Variants in CYP17A1 observed in about 807,000 individuals in gnomAD.
The protein encoded by CYP17A1 is steroid 17-alpha-hydroxylase/17,20 lyase.
CYP17A1 carries 27 observed loss-of-function variants against 38.5 expected under a neutral mutation model. That is an observed-to-expected ratio of 0.70 (90% CI 0.52 to 0.97). CYP17A1 has a LOEUF of 0.97. CYP17A1 is among the 50% of genes least tolerant of loss of function. The pLI is 0.00. For synonymous variants in CYP17A1, 263 were observed against 253.3 expected, an observed-to-expected ratio of 1.04 and a Z score of -0.36; for missense variants, 549 against 645.9, an observed-to-expected ratio of 0.85 and a Z score of 1.63.
intron 3 of CYP17A1, chr10:102,834,412 C>T: frequency 1.8e-6 from 1 of 551,936 alleles, no homozygotes; most frequent in Non-Finnish European, 3.3e-6. Flanking sequence ...GTGAGAGAGA[C>T]ATGAGCCTGA....
At chr10:102,831,468 C>T (rs1345545482) in intron 7 of CYP17A1, 40 bp downstream of exon 7, 6 of 1,611,360 alleles carry the variant, frequency 3.7e-6, no homozygotes, top group East Asian at 2.2e-5. Flanking sequence ...AGAGTCCAGG[C>T]TCGCTGTGTG....
In CYP17A1 at chr10:102,832,578, G is replaced by T; in HGVS notation, c.1072C>A (p.Arg358=). The change falls in exon 6 of 8, where the codon CGA becomes AGA. Residue 358 remains arginine, a synonymous_variant. Transcript: ENST00000369887. ...ACGGGCCTGAGGCGAAGCACCTCTC[G>T]GATGGTGGCCTCCAGCAGGAGGAGA... ...NRLLLLEATI[R]EVLRLRPVAP... The T allele has an allele frequency of 6.2e-7, 1 of 1,610,240 alleles. No individual in the cohort carries two copies. Among genetic ancestry groups the T allele is most frequent in the Non-Finnish European group, 8.5e-7 (1 of 1,176,446 alleles).
chr10:102,835,238 C>T lies in CYP17A1; in HGVS notation c.436+16G>A. 1 of 1,609,368 alleles carries T rather than the reference C, an allele frequency of 6.2e-7. No individual in the cohort carries two copies. The highest frequency in any genetic ancestry group is 1.1e-5 in the South Asian group (1 of 90,998). On this transcript the variant is annotated intron_variant, in intron 2 of 7. Transcript: ENST00000369887. ...TGGGATCCAGCCCCAGCCCCAGGGG[C>T]CAGCCTGGCACTCACTGATCTTCTC...
At chr10:102,834,459 T>G in intron 3 of CYP17A1, 1 of 553,568 alleles carries the variant, frequency 1.8e-6, no homozygotes, top group South Asian at 2.1e-5. Flanking sequence ...CTAAGCCTGC[T>G]TCTCACCTGC....
rs553716444 is a variant in CYP17A1, at chr10:102,837,104, A to C, written c.258T>G (p.Leu86=). ...CAGAGAAGTCCTTGCCCTTCTTAAT[A>C]AGCACCTCCTTGGCCAGCTGGTGGT... is the stretch of plus-strand genomic sequence containing the variant. ...VGHHQLAKEV[L]IKKGKDFSGR... is the part of the protein sequence containing the mutation. The change falls in exon 1 of 8, where the codon CTT becomes CTG. Residue 86 remains leucine (L), a synonymous_variant. Transcript: ENST00000369887. 6.2e-7 allele frequency: 1 copy of C among 1,608,792 alleles called. No homozygotes were observed. Among genetic ancestry groups the C allele is most frequent in the East Asian group, 2.2e-5 (1 of 44,842 alleles).
At chr10:102,833,377 T>A in intron 4 of CYP17A1, 169 bp from the exon 5 acceptor site, 1 of 1,364,074 alleles carries the variant, frequency 7.3e-7, no homozygotes, top group Non-Finnish European at 9.9e-7. Flanking sequence ...CCCCGGGCCC[T>A]CTTTAAATTT....
chr10:102,835,247 C>A lies in CYP17A1; in HGVS notation c.436+7G>T, dbSNP rs1844146007. The A allele has an allele frequency of 3.7e-6, 6 of 1,612,204 alleles. No homozygotes were observed. Among genetic ancestry groups the A allele is most frequent in the Non-Finnish European group, 5.1e-6 (6 of 1,178,340 alleles). On this transcript the variant is annotated splice_region_variant and intron_variant, in intron 2 of 7. Coordinates refer to ENST00000369887, the MANE Select transcript of CYP17A1 (RefSeq NM_000102.4). ...GCCCCAGCCCCAGGGGCCAGCCTGG[C>A]ACTCACTGATCTTCTCCAGCTTCTG...
In CYP17A1 at chr10:102,834,924, G is replaced by A; in HGVS notation, c.527C>T (p.Thr176Ile). ...DISFPVFVAVTNVISLICFNT... is the reference protein window; with the variant it reads ...DISFPVFVAVINVISLICFNT... ...GAAGCAGATCAAGGAGATGACATTG[G>A]TTACCGCCACGAAGACAGGAAAGGA... The change falls in exon 3 of 8, where the codon ACC (threonine) becomes ATC (isoleucine). Residue 176 changes from threonine to isoleucine, a missense_variant. Thr to Ile is a moderately conservative substitution (Grantham distance 89, BLOSUM62 -1). Transcript: ENST00000369887. 1 of 1,613,762 alleles carries A rather than the reference G, an allele frequency of 6.2e-7. No individual in the cohort carries two copies. The highest frequency in any genetic ancestry group is 8.5e-7 in the Non-Finnish European group (1 of 1,179,752).
chr10:102,835,078 G>GT lies in CYP17A1; in HGVS notation c.437-65dup, dbSNP rs1844142223. ...GCACCCTTACCCCCTCTCTGTACCA[G>GT]TTGCCTCTTAACAGGAGCGGGGGAC... On this transcript the variant is annotated intron_variant, in intron 2 of 7. Coordinates refer to ENST00000369887, the MANE Select transcript of CYP17A1 (RefSeq NM_000102.4). The GT allele has an allele frequency of 4.2e-5, 50 of 1,179,070 alleles. No homozygotes were observed. The South Asian group carries it at 5.7e-4, about 14-fold the overall frequency. 73.0% of individuals were successfully genotyped at this position (1,179,070 alleles called of 1,614,324 possible). A position where few individuals can be genotyped will look rare whatever the true frequency, so the allele number is the denominator to read the frequency against.
Position 102,831,548 on chromosome 10 carries a change from G to A in CYP17A1, c.1203C>T (p.His401=). The A allele has an allele frequency of 1.2e-6, 2 of 1,614,046 alleles. No individual in the cohort carries two copies. The highest frequency in any genetic ancestry group is 1.1e-5 in the South Asian group (1 of 91,092). Residue 401 remains histidine, a synonymous_variant, in exon 7 of 8, where the codon CAC becomes CAT. Transcript: ENST00000369887. ...EVIINLWALH[H]NEKEWHQPDQ... is the part of the protein sequence containing the mutation. ...CCGGCTGGTGCCACTCCTTCTCATT[G>A]TGATGCAGCGCCCACAGATTGATGA...
At chr10:102,836,101 T>C (rs964451191) in intron 1 of CYP17A1, among the ~76,000 whole-genome samples, 1 of 152,030 alleles carries the variant, frequency 6.6e-6, no homozygotes, top group Non-Finnish European at 1.5e-5. Context: ...GGGAGCTAGG[T>C]AGTTGGTCAG....
chr10:102,832,774 C>T (rs1844108193), intron 5 of CYP17A1, 94 bp from the exon 6 acceptor site: 4 of 1,235,470 alleles, frequency 3.2e-6, no homozygotes, highest in Admixed American at 3.4e-5. Context: ...TCGAGAAGAG[C>T]CTGTCCAGTC....
At chr10:102,831,881 C>A (rs1313835629) in intron 6 of CYP17A1, among the ~76,000 whole-genome samples, 1 of 152,060 alleles carries the variant, frequency 6.6e-6, no homozygotes, top group Admixed American at 6.6e-5. Flanking sequence ...GGAGCTGCAG[C>A]GCATGTTATG....
At chr10:102,831,825 G>T in intron 6 of CYP17A1, 1 of 806,334 alleles carries the variant, frequency 1.2e-6, no homozygotes. Flanking sequence ...CTGAACACCT[G>T]TGTCTGTGGA....
At chr10:102,834,505 T>C (rs1030278868) in intron 3 of CYP17A1, 21 of 574,140 alleles carry the variant, frequency 3.7e-5, no homozygotes, top group Non-Finnish European at 6.3e-5. Context: ...CCAAGGGGAA[T>C]TCAGCGATGA....
rs141821705 is a variant in CYP17A1 at position 102,834,967 on chromosome 10, C to T, written c.484G>A (p.Gly162Arg). The change falls in exon 3 of 8, where the codon GGA (glycine) becomes AGA (arginine). Residue 162 changes from glycine to arginine, a missense_variant. Around this residue, in one of 3 missense-constraint regions of CYP17A1, gnomAD observed 289 missense variants for 320.9 expected, o/e 0.90. Coordinates refer to ENST00000369887, the MANE Select transcript of CYP17A1 (RefSeq NM_000102.4). ...GGAAAGGAGATGTCTATGGACTGTC[C>T]GTTGTGGGTGGCCAGCATATCACAC... The part of the protein sequence containing the change: ...TLCDMLATHN[G>R]QSIDISFPVF... 8.7e-6 allele frequency: 14 copies of T among 1,611,704 alleles called. No homozygotes were observed. Among genetic ancestry groups the T allele is most frequent in the East Asian group, 4.5e-5 (2 of 44,882 alleles).
chr10:102,831,806 C>A, intron 6 of CYP17A1, 195 bp from the exon 7 acceptor site: 1 of 986,942 alleles, frequency 1.0e-6, no homozygotes, highest in Non-Finnish European at 1.5e-6. Flanking sequence ...TCCTAACAGG[C>A]GCTTCTGTCT....
chr10:102,835,101 G>GA, intron 2 of CYP17A1, 87 bp from the exon 3 acceptor site: 2 of 1,109,226 alleles, frequency 1.8e-6, no homozygotes, highest in Non-Finnish European at 2.7e-6. Flanking sequence ...AGGAGCGGGG[G>GA]ACAGATAGCA....
chr10:102,832,455 G>C, intron 6 of CYP17A1, 56 bp downstream of exon 6: 1 of 1,180,816 alleles, frequency 8.5e-7, no homozygotes, highest in Admixed American at 1.7e-5. Context: ...CAGGTGGGCT[G>C]GCAAGCAGTG....
Sources: allele counts gnomAD v4.1 joint callset (sites outside exome capture counted in the v4.1 genomes callset), GRCh38; gene constraint gnomAD v4.1.1; regional missense constraint gnomAD v4.1.1; transcripts MANE v1.5; gene names NCBI Gene and HGNC (gene_info 2026-07-23, HGNC 2026-07-21).